CDH12: variants seen among roughly 807,000 people sequenced by gnomAD.
CDH12 encodes cadherin 12, also known as cadherin-12.
CDH12 carries 41 observed loss-of-function variants against 74.1 expected under a neutral mutation model. The observed-to-expected ratio is 0.55, with a 90% CI of 0.43 to 0.72. CDH12 has a LOEUF of 0.72. CDH12 is among the 30% of genes least tolerant of loss of function. The pLI is 0.00. For synonymous variants in CDH12, 399 were observed against 355.0 expected (o/e 1.12, Z -1.39); for missense variants, 945 against 977.2 (o/e 0.97, Z 0.44).
chr5:21,800,456 G>A (rs765280133), intron 10 of CDH12, among the ~76,000 whole-genome samples: 1 of 152,136 alleles, frequency 6.6e-6, no homozygotes, highest in East Asian at 1.9e-4. Flanking sequence ...TAGTTGATCC[G>A]GATGGAGCCC....
At position 22,496,832 on chromosome 5, in the gene CDH12, T is replaced by C. The variant is rs569403098; in HGVS notation, c.-428+8438A>G. Among the ~76,000 whole-genome samples the C allele has an allele frequency of 3.9e-5, 6 of 152,334 alleles. No individual in the cohort carries two copies. In the South Asian group the frequency reaches 1.2e-3, roughly 32 times the overall value. On this transcript the variant is annotated intron_variant, in intron 2 of 14. Transcript: ENST00000382254. ...CTTCTTTTGCTCTTTTTATTTTTCT[T>C]CATTCCTCTGATGTTTTTCACTCCC...
At chr5:21,863,023 A>C (rs569875545) in intron 6 of CDH12, among the ~76,000 whole-genome samples, 1 of 152,260 alleles carries the variant, frequency 6.6e-6, no homozygotes, top group African/African-American at 2.4e-5. Context: ...GATTACAAAA[A>C]TAAAATGGAA....
chr5:22,689,599 A>G (rs755383066), intron 1 of CDH12, among the ~76,000 whole-genome samples: 56 of 139,102 alleles, frequency 4.0e-4, no homozygotes, highest in Non-Finnish European at 7.5e-4. Context: ...TATATATTGC[A>G]AGAACTTAGT....
chr5:22,311,429 G>A (rs1738383659), intron 3 of CDH12, among the ~76,000 whole-genome samples: 1 of 152,122 alleles, frequency 6.6e-6, no homozygotes, highest in Non-Finnish European at 1.5e-5. Flanking sequence ...TGTGGGCCGG[G>A]CGCGGTGGCT....
At chr5:21,883,714 T>C (rs1752481604) in intron 6 of CDH12, 3 of 1,607,182 alleles carry the variant, frequency 1.9e-6, no homozygotes, top group African/African-American at 2.7e-5. Context: ...CAAGAAATCA[T>C]TGGGCAGTTA....
chr5:22,759,590 C>T (rs1272459881), intron 1 of CDH12, among the ~76,000 whole-genome samples: 1 of 152,108 alleles, frequency 6.6e-6, no homozygotes, highest in Non-Finnish European at 1.5e-5. Flanking sequence ...TCTGAACTGG[C>T]TCCTTGAATT....
At chr5:21,799,902 G>A (rs561747614) in intron 10 of CDH12, among the ~76,000 whole-genome samples, 9 of 152,152 alleles carry the variant, frequency 5.9e-5, no homozygotes, top group African/African-American at 1.4e-4. Flanking sequence ...GTGTCCCTCC[G>A]AGTGGTGGAG....
chr5:22,287,722 C>CAAAAAAAAA (rs35636015), intron 3 of CDH12, among the ~76,000 whole-genome samples: 1 of 126,868 alleles, frequency 7.9e-6, no homozygotes, highest in African/African-American at 2.9e-5. Context: ...GACTCCGTCT[C>CAAAAAAAAA]AAAAAAAAAA....
At chr5:22,273,859 A>C (rs1004665171) in intron 3 of CDH12, among the ~76,000 whole-genome samples, 4 of 152,172 alleles carry the variant, frequency 2.6e-5, no homozygotes, top group Non-Finnish European at 5.9e-5. Flanking sequence ...ACGTGCAAAA[A>C]CAGAAATCTA....
chr5:22,468,501 G>GA (rs1170056143), intron 2 of CDH12, among the ~76,000 whole-genome samples: 1 of 152,084 alleles, frequency 6.6e-6, no homozygotes, highest in Admixed American at 6.6e-5. Context: ...AGCTCAGTAA[G>GA]AATTCTCAAT....
intron 2 of CDH12, among the ~76,000 whole-genome samples, chr5:22,472,073 A>G (rs543028091): frequency 6.6e-6 from 1 of 152,272 alleles, no homozygotes; most frequent in African/African-American, 2.4e-5. Context: ...ATTCTTACTG[A>G]AGCAGGTGAA....
chr5:22,402,750 T>G (rs976761138), intron 3 of CDH12, among the ~76,000 whole-genome samples: 1 of 152,096 alleles, frequency 6.6e-6, no homozygotes, highest in Non-Finnish European at 1.5e-5. Context: ...CTGAACAAAC[T>G]TTTGTTGAAA....
intron 1 of CDH12, among the ~76,000 whole-genome samples, chr5:22,595,570 T>A (rs1049208308): frequency 6.6e-6 from 1 of 152,178 alleles, no homozygotes; most frequent in Non-Finnish European, 1.5e-5. Flanking sequence ...AAATTTTTGC[T>A]AGAAAGTAAA....
chr5:22,467,107 G>C (rs1246616174), intron 2 of CDH12, among the ~76,000 whole-genome samples: 1 of 152,028 alleles, frequency 6.6e-6, no homozygotes, highest in African/African-American at 2.4e-5. Context: ...ATCTTGATTG[G>C]ATAGCCCAGG....
intron 6 of CDH12, among the ~76,000 whole-genome samples, chr5:21,878,889 G>C (rs1465832221): frequency 7.3e-6 from 1 of 136,728 alleles, no homozygotes; most frequent in Admixed American, 7.4e-5. Flanking sequence ...GAAAGAAAAA[G>C]AAAGAAGAAA....
chr5:22,481,178 T>C, intron 2 of CDH12, among the ~76,000 whole-genome samples: 1 of 152,172 alleles, frequency 6.6e-6, no homozygotes. Context: ...TAGGATTCTG[T>C]TTTAAACAAA....
chr5:22,614,626 T>C (rs1737595576), intron 1 of CDH12, among the ~76,000 whole-genome samples: 1 of 152,034 alleles, frequency 6.6e-6, no homozygotes, highest in African/African-American at 2.4e-5. Context: ...GAAAAGGAGT[T>C]GACATAGATA....
chr5:22,214,141 T>C (rs1462749855), intron 3 of CDH12, among the ~76,000 whole-genome samples: 2 of 152,118 alleles, frequency 1.3e-5, no homozygotes, highest in Non-Finnish European at 2.9e-5. Flanking sequence ...TTGGTGAAAC[T>C]TTTTGGACAA....
At chr5:22,218,364 T>C (rs986687778) in intron 3 of CDH12, among the ~76,000 whole-genome samples, 1 of 151,760 alleles carries the variant, frequency 6.6e-6, no homozygotes, top group African/African-American at 2.4e-5. Flanking sequence ...GTGAATAAAC[T>C]GTGGTACACT....
Sources: gnomAD v4.1 joint callset for allele counts (sites outside exome capture counted in the v4.1 genomes callset) on GRCh38, gnomAD v4.1.1 for gene constraint, MANE v1.5 for transcripts, NCBI Gene and HGNC (gene_info 2026-07-23, HGNC 2026-07-21) for gene names.